RNF180: variants seen among roughly 807,000 people sequenced by gnomAD.
RNF180 encodes the protein ring finger protein 180, also known as E3 ubiquitin-protein ligase RNF180.
Under a neutral mutation model 59.2 loss-of-function variants are expected in RNF180, and 38 were observed. The observed-to-expected ratio is 0.64, with a 90% CI of 0.50 to 0.84. The LOEUF (loss-of-function observed/expected upper bound fraction) is 0.84. Ranked by LOEUF, RNF180 falls within the 40% of genes least tolerant of loss-of-function variation. RNF180 has a pLI of 0.00. For synonymous variants in RNF180, 262 were observed against 240.3 expected, an observed-to-expected ratio of 1.09 and a Z score of -0.84; for missense variants, 705 against 700.9, an observed-to-expected ratio of 1.01 and a Z score of -0.07.
At chr5:64,217,496 G>A (rs1338340730) in intron 5 of RNF180, 100 bp downstream of exon 5, 15 of 1,305,934 alleles carry the variant, frequency 1.1e-5, no homozygotes, top group Admixed American at 1.1e-4. Flanking sequence ...TTTTCTGTGC[G>A]TCCTTGAAAG....
At chr5:64,285,043 G>T (rs950363556) in intron 5 of RNF180, among the ~76,000 whole-genome samples, 2 of 152,094 alleles carry the variant, frequency 1.3e-5, no homozygotes, top group Non-Finnish European at 2.9e-5. Flanking sequence ...GCATATGGTG[G>T]GTTCACCTCA....
chr5:64,193,518 C>G (rs2968289), intron 1 of RNF180, among the ~76,000 whole-genome samples: 3,558 of 152,114 alleles, frequency 0.023, 127 homozygotes, highest in African/African-American at 0.075. Flanking sequence ...ACAAAGTTAT[C>G]TGTTTTGAGA....
chr5:64,325,983 TAATG>T (rs1744616496), intron 6 of RNF180, among the ~76,000 whole-genome samples: 1 of 152,158 alleles, frequency 6.6e-6, no homozygotes, highest in African/African-American at 2.4e-5. Context: ...GAAGAGATAA[TAATG>T]AATGTGGAAC....
chr5:64,197,645 A>G (rs957295484), intron 1 of RNF180, among the ~76,000 whole-genome samples: 3 of 152,152 alleles, frequency 2.0e-5, no homozygotes, highest in African/African-American at 4.8e-5. Context: ...CTTTGTGGGA[A>G]AAAATGAGAA....
chr5:64,184,442 A>G (rs1422289799), intron 1 of RNF180, among the ~76,000 whole-genome samples: 1 of 152,146 alleles, frequency 6.6e-6, no homozygotes, highest in Non-Finnish European at 1.5e-5. Context: ...CGGGGTCAAA[A>G]ATGGTAATTT....
In RNF180 at chr5:64,267,338, TTTTA is replaced by T. The variant is rs549621218; in HGVS notation, c.1227+49962_1227+49965del. 4.5e-3 allele frequency among the ~76,000 whole-genome samples: 685 copies of T among 152,132 alleles called. 3 individuals carry two copies. Among genetic ancestry groups the T allele is most frequent in the Non-Finnish European group, 7.0e-3 (477 of 67,982 alleles). On this transcript the variant is annotated intron_variant, in intron 5 of 7. Coordinates refer to ENST00000389100, the MANE Select transcript of RNF180 (RefSeq NM_001113561.2). ...AAAAGTTTTTTTTTCACTTTGATTC[TTTTA>T]TTTATTTATTTATTTATTTGTTATT...
At chr5:64,272,289 AAG>A (rs1741454508) in intron 5 of RNF180, among the ~76,000 whole-genome samples, 1 of 152,088 alleles carries the variant, frequency 6.6e-6, no homozygotes, top group African/African-American at 2.4e-5. Flanking sequence ...CCTTTTGGCC[AAG>A]ATCTAGTAAA....
chr5:64,369,471 A>G, intron 7 of RNF180, 144 bp from the exon 8 acceptor site: 1 of 488,018 alleles, frequency 2.0e-6, no homozygotes, highest in Admixed American at 3.9e-5. Context: ...AATAATAAAA[A>G]AAAAAGAAAA....
In RNF180 at chr5:64,213,563, G is replaced by A. The variant is rs1365135979; in HGVS notation, c.237G>A (p.Gln79=). 13 of 1,611,352 alleles carry A rather than the reference G, an allele frequency of 8.1e-6. No homozygotes were observed. Among genetic ancestry groups the A allele is most frequent in the Non-Finnish European group, 5.9e-6 (7 of 1,178,064 alleles). The part of the protein sequence containing the change: ...EWISCLIQKA[Q]WTVGKLNCPF... The stretch of plus-strand genomic sequence containing the variant: ...TTCTTCTTTATTACCTGTAGGCCCA[G>A]TGGACAGTTGGAAAACTGAATTGTC... The change falls in exon 4 of 8, where the codon CAG becomes CAA. Residue 79 remains glutamine, a synonymous_variant. Coordinates refer to ENST00000389100, the MANE Select transcript of RNF180 (RefSeq NM_001113561.2).
chr5:64,344,340 A>T (rs568773219), intron 7 of RNF180, among the ~76,000 whole-genome samples: 30 of 152,242 alleles, frequency 2.0e-4, no homozygotes, highest in African/African-American at 7.0e-4. Flanking sequence ...GAATTATTGG[A>T]GAAAAAAGGA....
intron 5 of RNF180, among the ~76,000 whole-genome samples, chr5:64,313,810 G>A (rs1195222565): frequency 6.6e-6 from 1 of 151,952 alleles, no homozygotes; most frequent in Non-Finnish European, 1.5e-5. Flanking sequence ...TACCTCACTA[G>A]CATCTATGAT....
At chr5:64,345,272 C>T (rs896991288) in intron 7 of RNF180, among the ~76,000 whole-genome samples, 3 of 152,126 alleles carry the variant, frequency 2.0e-5, no homozygotes, top group African/African-American at 7.2e-5. Context: ...GAAGGGTGCC[C>T]TCTGGAGCTC....
intron 1 of RNF180, among the ~76,000 whole-genome samples, chr5:64,190,518 G>C (rs903134619): frequency 1.3e-5 from 2 of 152,138 alleles, no homozygotes; most frequent in Admixed American, 1.3e-4. Flanking sequence ...TTGGGATGGA[G>C]TGGATGTTTT....
chr5:64,205,067 C>T (rs896264261), intron 2 of RNF180, among the ~76,000 whole-genome samples: 1 of 152,102 alleles, frequency 6.6e-6, no homozygotes. Context: ...TTGTCTCAGC[C>T]CTCCCAAAGC....
intron 2 of RNF180, among the ~76,000 whole-genome samples, chr5:64,210,670 T>C (rs1752268460): frequency 6.6e-6 from 1 of 152,164 alleles, no homozygotes; most frequent in African/African-American, 2.4e-5. Flanking sequence ...CTTATCCATA[T>C]ACAGACTTGC....
At chr5:64,191,628 A>T (rs990137245) in intron 1 of RNF180, among the ~76,000 whole-genome samples, 1 of 152,222 alleles carries the variant, frequency 6.6e-6, no homozygotes, top group South Asian at 2.1e-4. Context: ...TTAAAGACTA[A>T]TATGTCAGTG....
In RNF180 at chr5:64,369,726, A is replaced by T; in HGVS notation, c.1691A>T (p.Asp564Val). The change falls in exon 8 of 8, where the codon GAT (aspartate) becomes GTT (valine). Residue 564 changes from aspartate to valine, a missense_variant. By Grantham distance (152) the Asp-to-Val change is radical. Transcript: ENST00000389100. ...AGCCGTGGATGGTGGTTTGACATGG[A>T]TATGGTGATCATATATATTTATTCA... ...DDSRGWWFDM[D>V]MVIIYIYSVN... 6.5e-7 allele frequency: 1 copy of T among 1,547,834 alleles called. No individual in the cohort carries two copies.
chr5:64,244,837 G>A (rs974321531), intron 5 of RNF180, among the ~76,000 whole-genome samples: 2 of 152,208 alleles, frequency 1.3e-5, no homozygotes, highest in African/African-American at 4.8e-5. Context: ...GGCAGCCAGA[G>A]AGAAAGGTCG....
At chr5:64,359,637 T>G (rs1195294351) in intron 7 of RNF180, among the ~76,000 whole-genome samples, 147 of 151,710 alleles carry the variant, frequency 9.7e-4, no homozygotes, top group African/African-American at 3.3e-3. Flanking sequence ...CTCTTTAGTT[T>G]AATTAGATCC....
Sources: gnomAD v4.1 joint callset for allele counts (sites outside exome capture counted in the v4.1 genomes callset) on GRCh38, gnomAD v4.1.1 for gene constraint, MANE v1.5 for transcripts, NCBI Gene and HGNC (gene_info 2026-07-23, HGNC 2026-07-21) for gene names.